Variants in MYO5B observed in about 807,000 individuals in gnomAD.
The protein encoded by MYO5B is unconventional myosin-Vb.
In MYO5B, 143 loss-of-function variants were observed where a neutral mutation model predicts 229.3. The ratio of observed to expected loss-of-function variants is 0.62; its 90% CI spans 0.54 to 0.72. The LOEUF is 0.72. Ranked by LOEUF, MYO5B falls within the 30% of genes least tolerant of loss-of-function variation. MYO5B has a pLI of 0.00. For missense variants in MYO5B, 2,321 were observed against 2,331.0 expected, an observed-to-expected ratio of 1.00 and a Z score of 0.09; for synonymous variants, 918 against 885.2, an observed-to-expected ratio of 1.04 and a Z score of -0.66.
At chr18:50,101,547 AG>A (rs1203065371) in intron 1 of MYO5B, among the ~76,000 whole-genome samples, 2 of 152,070 alleles carry the variant, frequency 1.3e-5, no homozygotes, top group African/African-American at 4.8e-5. Flanking sequence ...TAAATTTACA[AG>A]AAAAAAAAAC....
intron 3 of MYO5B, among the ~76,000 whole-genome samples, chr18:50,038,514 G>T (rs1429611574): frequency 6.6e-6 from 1 of 152,182 alleles, no homozygotes; most frequent in Non-Finnish European, 1.5e-5. Context: ...ATCCTCTTAG[G>T]AACAGCCTCA....
chr18:49,975,101 T>C (rs779620938), intron 9 of MYO5B, among the ~76,000 whole-genome samples: 1 of 152,200 alleles, frequency 6.6e-6, no homozygotes, highest in Non-Finnish European at 1.5e-5. Context: ...GAGGTATGCA[T>C]GCAGTGCTTG....
At chr18:49,990,585 G>C in intron 6 of MYO5B, 65 bp from the exon 7 acceptor site, 1 of 1,375,296 alleles carries the variant, frequency 7.3e-7, no homozygotes, top group Admixed American at 1.7e-5. Context: ...CTCTGCCACT[G>C]TAATCCCAGG....
intron 5 of MYO5B, 85 bp downstream of exon 5, chr18:50,001,167 GGCT>G: frequency 6.4e-7 from 1 of 1,554,266 alleles, no homozygotes; most frequent in Non-Finnish European, 8.9e-7. Context: ...GAGGCGTGAA[GGCT>G]GCCACCCAGG....
Position 49,931,492 on chromosome 18 carries a change from C to T in MYO5B, c.2004-1894G>A, listed in dbSNP as rs145910364. On this transcript the variant is annotated intron_variant, in intron 16 of 39. Transcript: ENST00000285039. ...CTGATTTACACAGCTCTGAACAAAA[C>T]ATTTCCTTCAGAAGACTTCATCTTT... Among the ~76,000 whole-genome samples, 672 of 152,338 alleles carry T rather than the reference C, an allele frequency of 4.4e-3. 2 individuals carry two copies. Among genetic ancestry groups the T allele is most frequent in the Middle Eastern group, 6.8e-3 (2 of 294 alleles).
In MYO5B at chr18:49,954,354, T is replaced by G; in HGVS notation, c.1627A>C (p.Met543Leu). Residue 543 changes from methionine (M) to leucine (L), a missense_variant, in exon 13 of 40, where the codon ATG becomes CTG. Coordinates refer to ENST00000285039, the MANE Select transcript of MYO5B (RefSeq NM_001080467.3). ...SSSQHFQKPRMSNTAFIIVHF... is the reference protein window; with the variant it reads ...SSSQHFQKPRLSNTAFIIVHF... ...ACGATGATGAAGGCCGTGTTGGACA[T>G]GCGGGGCTTCTGGAAGTGCTGGCTG... is the stretch of plus-strand genomic sequence containing the variant. 1 of 1,614,032 alleles carries G rather than the reference T, an allele frequency of 6.2e-7. No individual in the cohort carries two copies. Among genetic ancestry groups the G allele is most frequent in the Non-Finnish European group, 8.5e-7 (1 of 1,179,974 alleles).
At chr18:50,155,017 T>C (rs563715130) in intron 1 of MYO5B, among the ~76,000 whole-genome samples, 30 of 152,368 alleles carry the variant, frequency 2.0e-4, no homozygotes, top group African/African-American at 7.0e-4. Flanking sequence ...AGACAAACCA[T>C]CTCAGTTGCA....
intron 26 of MYO5B, among the ~76,000 whole-genome samples, chr18:49,873,171 T>C (rs533846): frequency 0.82 from 124,540 of 152,204 alleles, 51,088 homozygotes; most frequent in East Asian, 0.95. Flanking sequence ...AGGATTCAGC[T>C]GAGCAAATAA....
At chr18:50,055,191 A>G (rs928522917) in intron 2 of MYO5B, 77 bp downstream of exon 2, 2 of 986,408 alleles carry the variant, frequency 2.0e-6, no homozygotes, top group African/African-American at 1.6e-5. Flanking sequence ...ACAATGTACT[A>G]TCTACTCCTG....
intron 1 of MYO5B, among the ~76,000 whole-genome samples, chr18:50,129,129 G>A (rs1031188106): frequency 6.6e-6 from 1 of 152,198 alleles, no homozygotes; most frequent in Admixed American, 6.5e-5. Context: ...CCACGGTGGT[G>A]GGAGCATGGC....
At chr18:50,159,628 C>G (rs1001942666) in intron 1 of MYO5B, among the ~76,000 whole-genome samples, 12 of 152,180 alleles carry the variant, frequency 7.9e-5, no homozygotes, top group Admixed American at 2.6e-4. Flanking sequence ...CCCCCACAGA[C>G]TTGTCTCCCA....
chr18:49,856,564 G>T (rs1160661445), intron 30 of MYO5B, among the ~76,000 whole-genome samples: 2 of 152,162 alleles, frequency 1.3e-5, no homozygotes, highest in East Asian at 3.8e-4. Context: ...TTCACCTATA[G>T]AACAAGTAGG....
intron 1 of MYO5B, among the ~76,000 whole-genome samples, chr18:50,152,124 T>G (rs2032608244): frequency 6.6e-6 from 1 of 152,188 alleles, no homozygotes; most frequent in Non-Finnish European, 1.5e-5. Flanking sequence ...ACCAATACAT[T>G]ATACAGCAGT....
intron 4 of MYO5B, among the ~76,000 whole-genome samples, chr18:50,026,419 T>C (rs911358983): frequency 2.0e-5 from 3 of 152,262 alleles, no homozygotes; most frequent in Non-Finnish European, 4.4e-5. Context: ...TTGTTTTCCA[T>C]ATATAATAAA....
At chr18:50,160,293 G>A (rs1418304209) in intron 1 of MYO5B, among the ~76,000 whole-genome samples, 6 of 152,216 alleles carry the variant, frequency 3.9e-5, no homozygotes, top group Admixed American at 3.9e-4. Flanking sequence ...CAAGGCTGTG[G>A]AGCAGACTCT....
chr18:49,883,217 A>G (rs1178068470), intron 22 of MYO5B, among the ~76,000 whole-genome samples: 1 of 152,240 alleles, frequency 6.6e-6, no homozygotes, highest in Non-Finnish European at 1.5e-5. Context: ...TCCAGAATGA[A>G]TGCTATCTGC....
At chr18:50,029,927 G>A (rs2026369777) in intron 4 of MYO5B, among the ~76,000 whole-genome samples, 2 of 152,088 alleles carry the variant, frequency 1.3e-5, no homozygotes, top group Admixed American at 1.3e-4. Context: ...GAAAACCTGA[G>A]GCTCAATTAG....
At chr18:50,051,059 C>T (rs2030378169) in intron 2 of MYO5B, among the ~76,000 whole-genome samples, 1 of 152,162 alleles carries the variant, frequency 6.6e-6, no homozygotes. Context: ...GCAGGTATAA[C>T]ATGCCCAAAC....
chr18:49,935,801 A>C (rs974819257), intron 16 of MYO5B, among the ~76,000 whole-genome samples: 1 of 152,190 alleles, frequency 6.6e-6, no homozygotes, highest in Non-Finnish European at 1.5e-5. Flanking sequence ...AATGTGGATA[A>C]TTCTGGAAGC....
Sources: allele counts gnomAD v4.1 joint callset (sites outside exome capture counted in the v4.1 genomes callset), GRCh38; gene constraint gnomAD v4.1.1; transcripts MANE v1.5; gene names NCBI Gene and HGNC (gene_info 2026-07-23, HGNC 2026-07-21).